GRID2: variants seen among roughly 807,000 people sequenced by gnomAD.
GRID2 encodes glutamate receptor ionotropic, delta-2.
A neutral mutation model predicts 114.8 loss-of-function variants in GRID2; 33 were observed. That is an observed-to-expected ratio of 0.29 (90% CI 0.22 to 0.38). GRID2 has a LOEUF of 0.38. Among genes scored for constraint, GRID2 ranks in the 10% least tolerant of loss-of-function variants. The pLI is 1.00. For missense variants in GRID2, 1,184 were observed against 1,257.7 expected, an observed-to-expected ratio of 0.94 and a Z score of 0.89; for synonymous variants, 505 against 449.9, an observed-to-expected ratio of 1.12 and a Z score of -1.55.
chr4:92,456,887 TTTC>T (rs1024911197), intron 1 of GRID2, among the ~76,000 whole-genome samples: 2 of 152,130 alleles, frequency 1.3e-5, no homozygotes, highest in African/African-American at 2.4e-5. Context: ...CACGTGCATT[TTTC>T]TTCTTAAATA....
At chr4:93,197,341 G>T (rs921081829) in intron 4 of GRID2, among the ~76,000 whole-genome samples, 17 of 152,100 alleles carry the variant, frequency 1.1e-4, no homozygotes, top group African/African-American at 4.1e-4. Flanking sequence ...ATTTGGGTGA[G>T]TTACTTTAAC....
At chr4:92,853,207 A>T (rs539595506) in intron 2 of GRID2, among the ~76,000 whole-genome samples, 3 of 152,136 alleles carry the variant, frequency 2.0e-5, no homozygotes, top group African/African-American at 7.2e-5. Context: ...ACAAAGTATC[A>T]GAAGGATTAA....
At position 93,773,173 on chromosome 4, in the gene GRID2, C is replaced by CT. The variant is rs1459541951; in HGVS notation, c.*678dup. On this transcript the variant is annotated 3_prime_UTR_variant, in exon 16 of 16. Transcript: ENST00000282020. ...AAAGTTTTTTCTTATGTACAGTAAACTTTATCATATGGCAGAAGCCTCTAT... is the reference window on the plus strand; with the variant it reads ...AAAGTTTTTTCTTATGTACAGTAAACTTTTATCATATGGCAGAAGCCTCTAT... 3.3e-5 allele frequency: 5 copies of CT among 152,222 alleles called. No individual in the cohort carries two copies. The highest frequency in any genetic ancestry group is 1.2e-4 in the African/African-American group (5 of 41,544). The allele number at this position is 152,222 out of a possible 1,614,324, so 9.4% of individuals were successfully genotyped here.
chr4:93,736,094 G>T (rs1201536485), intron 14 of GRID2, among the ~76,000 whole-genome samples: 2 of 151,986 alleles, frequency 1.3e-5, no homozygotes, highest in Non-Finnish European at 2.9e-5. Context: ...GAAAGGCATT[G>T]TCTGTCTACT....
At chr4:93,178,081 A>T (rs1299083261) in intron 4 of GRID2, among the ~76,000 whole-genome samples, 7 of 151,496 alleles carry the variant, frequency 4.6e-5, no homozygotes, top group Non-Finnish European at 1.0e-4. Flanking sequence ...TGAAAAAAAA[A>T]AAACATATAA....
In GRID2 at chr4:93,632,780, G is replaced by T. The variant is rs190412910; in HGVS notation, c.2360+6345G>T. 9.3e-3 allele frequency among the ~76,000 whole-genome samples: 1,414 copies of T among 151,916 alleles called. 23 individuals are homozygous for T. Among genetic ancestry groups the T allele is most frequent in the African/African-American group, 0.033 (1,350 of 41,468 alleles). ...AAGTCATTGGTAGCTTGATGCGGAT[G>T]GCATTGAATGTATAAATTACCTTGG... On this transcript the variant is annotated intron_variant, in intron 14 of 15. Coordinates refer to ENST00000282020, the MANE Select transcript of GRID2 (RefSeq NM_001510.4).
chr4:92,636,728 C>T (rs1281818715), intron 2 of GRID2, among the ~76,000 whole-genome samples: 1 of 151,902 alleles, frequency 6.6e-6, no homozygotes, highest in African/African-American at 2.4e-5. Context: ...CGGGTCCCAG[C>T]GTCCCCTGCC....
At chr4:93,071,051 A>G (rs909074891) in intron 2 of GRID2, among the ~76,000 whole-genome samples, 5 of 152,118 alleles carry the variant, frequency 3.3e-5, no homozygotes, top group East Asian at 1.9e-4. Context: ...ACAAAAGAAT[A>G]TCAATATTTT....
At chr4:93,230,252 T>C (rs1238921608) in intron 7 of GRID2, among the ~76,000 whole-genome samples, 4 of 152,104 alleles carry the variant, frequency 2.6e-5, no homozygotes, top group African/African-American at 7.2e-5. Flanking sequence ...TGATGTTTCA[T>C]ATATTTTTTG....
intron 8 of GRID2, among the ~76,000 whole-genome samples, chr4:93,242,911 A>T (rs894083819): frequency 6.6e-6 from 1 of 152,046 alleles, no homozygotes; most frequent in Non-Finnish European, 1.5e-5. Context: ...TATTAAAATG[A>T]TAGTGAATCA....
At chr4:93,519,322 A>C (rs1730112747) in intron 13 of GRID2, among the ~76,000 whole-genome samples, 1 of 152,182 alleles carries the variant, frequency 6.6e-6, no homozygotes, top group Non-Finnish European at 1.5e-5. Context: ...CATGATGGTG[A>C]CTCAGCAACA....
intron 2 of GRID2, among the ~76,000 whole-genome samples, chr4:92,816,051 C>T (rs1429617188): frequency 6.6e-6 from 1 of 150,794 alleles, no homozygotes; most frequent in South Asian, 2.1e-4. Context: ...CATGGTGGCT[C>T]ATGCCTGTAA....
chr4:93,302,691 T>C, intron 8 of GRID2: 2 of 425,464 alleles, frequency 4.7e-6, no homozygotes, highest in Non-Finnish European at 9.4e-6. Context: ...ATAGGCTACT[T>C]TATTGAAAGT....
intron 2 of GRID2, among the ~76,000 whole-genome samples, chr4:92,938,420 T>C (rs1056308983): frequency 6.8e-6 from 1 of 146,694 alleles, no homozygotes; most frequent in Non-Finnish European, 1.5e-5. Flanking sequence ...CTGATAATTA[T>C]TTTTCATAAG....
intron 13 of GRID2, among the ~76,000 whole-genome samples, chr4:93,581,742 T>G (rs1204798047): frequency 1.3e-5 from 2 of 152,164 alleles, no homozygotes; most frequent in African/African-American, 4.8e-5. Flanking sequence ...CATATCTCTA[T>G]CAGGATATCT....
intron 8 of GRID2, among the ~76,000 whole-genome samples, chr4:93,271,178 C>T (rs937843154): frequency 5.3e-5 from 8 of 152,200 alleles, no homozygotes; most frequent in Admixed American, 2.6e-4. Context: ...TTCTGAAGCA[C>T]GTAGACATAT....
chr4:93,399,574 A>G lies in GRID2; in HGVS notation c.1347+3866A>G, dbSNP rs75952818. On this transcript the variant is annotated intron_variant, in intron 9 of 15. Transcript: ENST00000282020. Reference sequence around the variant, plus strand: ...AGAACCTACCTAGATGACTTACATGAAGACTGATAAGGCATGGGAGGAAGC... The same window carrying G: ...AGAACCTACCTAGATGACTTACATGGAGACTGATAAGGCATGGGAGGAAGC... Among the ~76,000 whole-genome samples, 845 of 152,216 alleles carry G rather than the reference A, an allele frequency of 5.6e-3. 4 individuals carry two copies. The highest frequency in any genetic ancestry group is 0.019 in the African/African-American group (807 of 41,558).
intron 2 of GRID2, among the ~76,000 whole-genome samples, chr4:92,760,228 ACT>A (rs1240334446): frequency 1.2e-4 from 15 of 127,514 alleles, no homozygotes; most frequent in African/African-American, 4.7e-4. Context: ...ACATAGCGAG[ACT>A]CTGTCTCAAA....
intron 2 of GRID2, among the ~76,000 whole-genome samples, chr4:92,811,471 G>A (rs1347237147): frequency 6.6e-6 from 1 of 151,848 alleles, no homozygotes; most frequent in Non-Finnish European, 1.5e-5. Context: ...CATTATTTTT[G>A]TAATTGTCTA....
Sources: gnomAD v4.1 joint callset for allele counts (sites outside exome capture counted in the v4.1 genomes callset) on GRCh38, gnomAD v4.1.1 for gene constraint, MANE v1.5 for transcripts, NCBI Gene and HGNC (gene_info 2026-07-23, HGNC 2026-07-21) for gene names.